CPPED1: variants seen among roughly 807,000 people sequenced by gnomAD.
The protein encoded by CPPED1 is calcineurin like phosphoesterase domain containing 1.
In CPPED1, 28 loss-of-function variants were observed where a neutral mutation model predicts 28.0. That is an observed-to-expected ratio of 1.00 (90% confidence interval 0.74 to 1.37). The LOEUF is 1.37. CPPED1 is among the 40% of genes most tolerant of loss of function. CPPED1 has a pLI of 0.00. For missense variants in CPPED1, 504 were observed against 416.5 expected (o/e 1.21, Z -1.83); for synonymous variants, 198 against 180.2 (o/e 1.10, Z -0.79).
At chr16:12,714,107 G>A (rs2080094139) in intron 2 of CPPED1, among the ~76,000 whole-genome samples, 2 of 152,176 alleles carry the variant, frequency 1.3e-5, no homozygotes, top group Non-Finnish European at 2.9e-5. Flanking sequence ...GCCTATGTTA[G>A]TGCTTCATTC....
intron 2 of CPPED1, among the ~76,000 whole-genome samples, chr16:12,721,638 A>T (rs1273542726): frequency 6.6e-6 from 1 of 152,080 alleles, no homozygotes; most frequent in Non-Finnish European, 1.5e-5. Context: ...CTGTAGTCCC[A>T]GCTACTTGTG....
intron 2 of CPPED1, among the ~76,000 whole-genome samples, chr16:12,764,975 G>C (rs2080430873): frequency 6.6e-6 from 1 of 152,342 alleles, no homozygotes; most frequent in African/African-American, 2.4e-5. Context: ...AGCAGTGACT[G>C]GTGGAACAGA....
At chr16:12,788,273 G>A (rs1037127959) in intron 1 of CPPED1, among the ~76,000 whole-genome samples, 1 of 152,216 alleles carries the variant, frequency 6.6e-6, no homozygotes, top group Non-Finnish European at 1.5e-5. Context: ...CACAAAGCAT[G>A]AACACCTGGA....
chr16:12,708,585 G>T (rs527856286), intron 2 of CPPED1, among the ~76,000 whole-genome samples: 1 of 152,314 alleles, frequency 6.6e-6, no homozygotes, highest in South Asian at 2.1e-4. Flanking sequence ...CCCAGGGACA[G>T]AAATAGTTTT....
chr16:12,757,875 T>C (rs925246175), intron 2 of CPPED1: 4 of 151,188 alleles, frequency 2.6e-5, no homozygotes, highest in South Asian at 4.2e-4. Context: ...ATTTGAGAGA[T>C]AGCTACAGCT....
At chr16:12,756,104 C>G (rs565872142) in intron 2 of CPPED1, among the ~76,000 whole-genome samples, 35 of 148,280 alleles carry the variant, frequency 2.4e-4, no homozygotes, top group Non-Finnish European at 3.8e-4. Flanking sequence ...GCACTCCAGC[C>G]TGGGCAACAG....
chr16:12,729,191 C>A (rs951769875), intron 2 of CPPED1, among the ~76,000 whole-genome samples: 2 of 152,074 alleles, frequency 1.3e-5, no homozygotes, highest in African/African-American at 2.4e-5. Context: ...CAACTCAGGT[C>A]TCTAGAAGTT....
In CPPED1 at chr16:12,670,546, G is replaced by A. The variant is rs922299627; in HGVS notation, c.716-5431C>T. 6.6e-6 allele frequency among the ~76,000 whole-genome samples: 1 copy of A among 151,698 alleles called. No homozygotes were observed. Among genetic ancestry groups the A allele is most frequent in the East Asian group, 1.9e-4 (1 of 5,180 alleles). On this transcript the variant is annotated intron_variant, in intron 3 of 3. Transcript: ENST00000381774. The surrounding 1 kb of genome is among the most constrained non-coding windows in gnomAD (Gnocchi z 4.2). ...AGAATGTATTTACAGTGAAGAAACT[G>A]GACAAACACCAAAAGCGATAAGTCA...
chr16:12,768,634 TG>T (rs2080452620), intron 2 of CPPED1, among the ~76,000 whole-genome samples: 1 of 152,158 alleles, frequency 6.6e-6, no homozygotes, highest in Non-Finnish European at 1.5e-5. Context: ...TCTGGGGCCA[TG>T]GGGATCTGGG....
At chr16:12,797,425 C>G (rs2865895) in intron 1 of CPPED1, among the ~76,000 whole-genome samples, 49,509 of 151,992 alleles carry the variant, frequency 0.33, 11,277 homozygotes, top group African/African-American at 0.64. Flanking sequence ...AGCACCTTCT[C>G]TGTTCCTAGC....
At chr16:12,707,117 T>A (rs1276427543) in intron 2 of CPPED1, among the ~76,000 whole-genome samples, 1 of 152,206 alleles carries the variant, frequency 6.6e-6, no homozygotes, top group Non-Finnish European at 1.5e-5. Flanking sequence ...CCCATGCCAG[T>A]TTAGGAAAGA....
At chr16:12,778,358 C>A (rs1370514267) in intron 2 of CPPED1, among the ~76,000 whole-genome samples, 3 of 146,450 alleles carry the variant, frequency 2.0e-5, no homozygotes, top group African/African-American at 7.5e-5. Flanking sequence ...TCATTGCAAC[C>A]TCCACCTCCT....
rs374087050 is a variant in CPPED1, at chr16:12,682,413, A to T, written c.716-17298T>A. ...CTTCCTGATGACTTACAGATTCAAA[A>T]CCTGTAGAATATGCAAGAGGAGGGC... On this transcript the variant is annotated intron_variant, in intron 3 of 3. Coordinates refer to ENST00000381774, the MANE Select transcript of CPPED1 (RefSeq NM_018340.3). This position sits in a 1 kb window ranked among gnomAD's most constrained non-coding sequence, Gnocchi z 6.1. Among the ~76,000 whole-genome samples the T allele has an allele frequency of 5.9e-4, 90 of 152,094 alleles. No homozygotes were observed. The highest frequency in any genetic ancestry group is 2.1e-3 in the African/African-American group (87 of 41,474).
intron 2 of CPPED1, among the ~76,000 whole-genome samples, chr16:12,775,929 C>T (rs1426955822): frequency 6.6e-6 from 1 of 152,188 alleles, no homozygotes; most frequent in African/African-American, 2.4e-5. Flanking sequence ...GAATTCCAGT[C>T]CCTGCCATCT....
Position 12,751,958 on chromosome 16 carries a change from T to G in CPPED1, c.289+29227A>C, listed in dbSNP as rs1327590784. On this transcript the variant is annotated intron_variant, in intron 2 of 3. Coordinates refer to ENST00000381774, the MANE Select transcript of CPPED1 (RefSeq NM_018340.3). Reference sequence around the variant, plus strand: ...ATGAGAAATGTCTGTGCTAGGAAGCTCTGAATAGGAAGTAAAAAGCAAGCT... The same window carrying G: ...ATGAGAAATGTCTGTGCTAGGAAGCGCTGAATAGGAAGTAAAAAGCAAGCT... Among the ~76,000 whole-genome samples the G allele has an allele frequency of 2.6e-5, 4 of 152,158 alleles. No homozygotes were observed. In the East Asian group the frequency reaches 5.8e-4, roughly 22 times the overall value.
intron 3 of CPPED1, among the ~76,000 whole-genome samples, chr16:12,677,667 G>A (rs2079884692): frequency 6.6e-6 from 1 of 152,312 alleles, no homozygotes; most frequent in East Asian, 1.9e-4. Flanking sequence ...AAGTGCCACG[G>A]TCGTGTATGT....
intron 2 of CPPED1, among the ~76,000 whole-genome samples, chr16:12,741,212 C>T (rs1015531351): frequency 2.0e-5 from 3 of 151,884 alleles, no homozygotes; most frequent in African/African-American, 7.3e-5. Flanking sequence ...ATGGTTCTGC[C>T]TCATAAATGG....
chr16:12,716,846 G>C (rs777226159), intron 2 of CPPED1, among the ~76,000 whole-genome samples: 1 of 152,180 alleles, frequency 6.6e-6, no homozygotes, highest in Non-Finnish European at 1.5e-5. Context: ...TTCTAGGGAG[G>C]GGCCCAGACA....
At chr16:12,730,368 G>T (rs758497368) in intron 2 of CPPED1, among the ~76,000 whole-genome samples, 2 of 152,142 alleles carry the variant, frequency 1.3e-5, no homozygotes, top group Non-Finnish European at 2.9e-5. Context: ...AACTGGCTTT[G>T]GAAAACTCTC....
Sources: allele counts gnomAD v4.1 joint callset (sites outside exome capture counted in the v4.1 genomes callset), GRCh38; gene constraint gnomAD v4.1.1; non-coding constraint Gnocchi (gnomAD v3.1); transcripts MANE v1.5; gene names NCBI Gene and HGNC (gene_info 2026-07-23, HGNC 2026-07-21).